The following UBTD2 variants were observed in gnomAD, a reference collection of about 807,000 sequenced individuals.
The protein encoded by UBTD2 is ubiquitin domain containing 2, also known as ubiquitin domain-containing protein 2.
UBTD2 carries 9 observed loss-of-function variants against 19.8 expected under a neutral mutation model. The observed-to-expected ratio is 0.46, with a 90% confidence interval of 0.27 to 0.79. The LOEUF (loss-of-function observed/expected upper bound fraction) is 0.79. Ranked by LOEUF, UBTD2 falls within the 30% of genes least tolerant of loss-of-function variation. UBTD2 has a pLI of 0.14. For missense variants in UBTD2, 250 were observed against 300.4 expected, an observed-to-expected ratio of 0.83 and a Z score of 1.24; for synonymous variants, 98 against 103.9, an observed-to-expected ratio of 0.94 and a Z score of 0.35.
intron 1 of UBTD2, among the ~76,000 whole-genome samples, chr5:172,277,802 T>C (rs1420892726): frequency 2.1e-5 from 3 of 145,538 alleles, no homozygotes; most frequent in Non-Finnish European, 4.5e-5. Flanking sequence ...CTGCATATCA[T>C]ATATTTGATA....
chr5:172,279,178 A>T (rs1184883476), intron 1 of UBTD2, among the ~76,000 whole-genome samples: 3 of 152,246 alleles, frequency 2.0e-5, no homozygotes, highest in Admixed American at 2.0e-4. Context: ...GTTATAAGCT[A>T]TGTGATGATG....
intron 1 of UBTD2, among the ~76,000 whole-genome samples, chr5:172,261,671 C>A (rs2113098465): frequency 6.6e-6 from 1 of 152,200 alleles, no homozygotes; most frequent in South Asian, 2.1e-4. Flanking sequence ...GTTGCCCAGG[C>A]TGGAGTGTAG....
At chr5:172,271,480 T>C (rs1193119214) in intron 1 of UBTD2, among the ~76,000 whole-genome samples, 3 of 151,590 alleles carry the variant, frequency 2.0e-5, no homozygotes, top group African/African-American at 4.8e-5. Context: ...GTTTCAGTGA[T>C]GCTTTCTGAC....
At chr5:172,237,672 A>T (rs1772039255) in intron 1 of UBTD2, among the ~76,000 whole-genome samples, 1 of 152,262 alleles carries the variant, frequency 6.6e-6, no homozygotes, top group Non-Finnish European at 1.5e-5. Context: ...TGGGAAAAAA[A>T]TTAGCATTTA....
chr5:172,221,357 T>C (rs1405799726), intron 2 of UBTD2, among the ~76,000 whole-genome samples: 1 of 151,826 alleles, frequency 6.6e-6, no homozygotes. Flanking sequence ...AATAAAAAAT[T>C]AGCCAGGCAT....
intron 1 of UBTD2, among the ~76,000 whole-genome samples, chr5:172,245,070 AG>A (rs1754849354): frequency 6.6e-6 from 1 of 152,206 alleles, no homozygotes; most frequent in Non-Finnish European, 1.5e-5. Context: ...TAGTAGCGGT[AG>A]AGTGGACACA....
At chr5:172,272,720 CT>C (rs1755518825) in intron 1 of UBTD2, among the ~76,000 whole-genome samples, 1 of 152,194 alleles carries the variant, frequency 6.6e-6, no homozygotes, top group East Asian at 1.9e-4. Context: ...TAAGAAGGTA[CT>C]GCCAAAGCTT....
intron 1 of UBTD2, among the ~76,000 whole-genome samples, chr5:172,261,728 G>T (rs568325054): frequency 6.6e-6 from 1 of 152,108 alleles, no homozygotes; most frequent in South Asian, 2.1e-4. Context: ...AGATTCAAGT[G>T]ATTCTCGTGC....
At chr5:172,253,987 T>C (rs1755086390) in intron 1 of UBTD2, among the ~76,000 whole-genome samples, 1 of 152,204 alleles carries the variant, frequency 6.6e-6, no homozygotes. Flanking sequence ...CAACATCTAC[T>C]GACCATATGG....
intron 1 of UBTD2, among the ~76,000 whole-genome samples, chr5:172,270,879 G>A (rs1755475761): frequency 6.6e-6 from 1 of 152,072 alleles, no homozygotes; most frequent in Non-Finnish European, 1.5e-5. Flanking sequence ...TCTGTTAGAA[G>A]CACAAAAAAC....
intron 1 of UBTD2, among the ~76,000 whole-genome samples, chr5:172,243,887 C>T (rs773187343): frequency 1.3e-5 from 2 of 151,822 alleles, no homozygotes; most frequent in Non-Finnish European, 2.9e-5. Context: ...TTACAGGATA[C>T]GACCACAGAG....
rs183297145 is a variant in UBTD2 at position 172,240,494 on chromosome 5, A to G, written c.71-6136T>C. Among the ~76,000 whole-genome samples, 13 of 152,312 alleles carry G rather than the reference A, an allele frequency of 8.5e-5. No individual in the cohort carries two copies. In the East Asian group the frequency reaches 2.3e-3, roughly 27 times the overall value. Reference sequence around the variant, plus strand: ...TTTGAGGTAGCTTTATTGGGGGGAAAAAAATCAACATAACTTCATAATGAA... The same window carrying G: ...TTTGAGGTAGCTTTATTGGGGGGAAGAAAATCAACATAACTTCATAATGAA... On this transcript the variant is annotated intron_variant, in intron 1 of 2. Coordinates refer to ENST00000393792, the MANE Select transcript of UBTD2 (RefSeq NM_152277.3).
chr5:172,216,016 T>C (rs1771534596), intron 2 of UBTD2, among the ~76,000 whole-genome samples: 2 of 151,914 alleles, frequency 1.3e-5, no homozygotes. Context: ...GTACAAAAAT[T>C]AGCCGAGCGT....
intron 1 of UBTD2, among the ~76,000 whole-genome samples, chr5:172,241,880 G>A (rs896478585): frequency 1.3e-5 from 2 of 152,154 alleles, no homozygotes; most frequent in Non-Finnish European, 2.9e-5. Flanking sequence ...TTAGCTGGGT[G>A]TAGTTGTATA....
chr5:172,274,843 A>G (rs1398861927), intron 1 of UBTD2, among the ~76,000 whole-genome samples: 4 of 152,080 alleles, frequency 2.6e-5, no homozygotes, highest in African/African-American at 7.2e-5. Flanking sequence ...GATTGAGACC[A>G]TCCTAACACG....
At chr5:172,230,386 A>G (rs1184667129) in intron 2 of UBTD2, among the ~76,000 whole-genome samples, 2 of 152,208 alleles carry the variant, frequency 1.3e-5, no homozygotes, top group Non-Finnish European at 2.9e-5. Context: ...ATTTTGGTGC[A>G]GGGAACAGGG....
chr5:172,272,040 T>C (rs1755501402), intron 1 of UBTD2, among the ~76,000 whole-genome samples: 1 of 152,194 alleles, frequency 6.6e-6, no homozygotes, highest in Non-Finnish European at 1.5e-5. Flanking sequence ...TTTTCACATG[T>C]AAATATTTCA....
At chr5:172,263,951 T>C (rs1755322943) in intron 1 of UBTD2, among the ~76,000 whole-genome samples, 2 of 151,514 alleles carry the variant, frequency 1.3e-5, no homozygotes, top group East Asian at 3.9e-4. Context: ...GCCTCCAGAG[T>C]AGATGAGACT....
At chr5:172,236,847 C>T (rs1297543194) in intron 1 of UBTD2, among the ~76,000 whole-genome samples, 1 of 152,020 alleles carries the variant, frequency 6.6e-6, no homozygotes, top group Non-Finnish European at 1.5e-5. Flanking sequence ...AATCTCAGGA[C>T]CTAAAACTAA....
Sources: allele counts gnomAD v4.1 joint callset (sites outside exome capture counted in the v4.1 genomes callset), GRCh38; gene constraint gnomAD v4.1.1; transcripts MANE v1.5; gene names NCBI Gene and HGNC (gene_info 2026-07-23, HGNC 2026-07-21).